The following TRPC5 variants were observed in gnomAD, a reference collection of about 807,000 sequenced individuals.
The protein encoded by TRPC5 is transient receptor potential cation channel subfamily C member 5, also known as short transient receptor potential channel 5.
A neutral mutation model predicts 56.5 loss-of-function variants in TRPC5; 9 were observed. That is an observed-to-expected ratio of 0.16 (90% CI 0.10 to 0.28). The LOEUF (loss-of-function observed/expected upper bound fraction) is 0.28. TRPC5 is among the 10% of genes least tolerant of loss of function. TRPC5 has a pLI of 1.00. For missense variants in TRPC5, 469 were observed against 748.9 expected (o/e 0.63, Z 4.36); for synonymous variants, 282 against 278.5 (o/e 1.01, Z -0.13).
chrX:111,804,688 T>C (rs1921437348), intron 7 of TRPC5, among the ~76,000 whole-genome samples: 1 of 111,888 alleles, frequency 8.9e-6, no homozygotes, highest in African/African-American at 3.3e-5. Flanking sequence ...CTTGTGATTT[T>C]TGCACATTGA....
rs1293159608 is a variant in TRPC5 at position 111,906,199 on chromosome X, C to CA, written c.900+6091dup. Among the ~76,000 whole-genome samples the CA allele has an allele frequency of 1.6e-4, 17 of 108,147 alleles. No homozygotes were observed. In the South Asian group the frequency reaches 2.5e-3, roughly 16 times the overall value. The allele number at this position is 108,147 out of a possible 115,157, so 93.9% of individuals were successfully genotyped here. On this transcript the variant is annotated intron_variant, in intron 3 of 10. Coordinates refer to ENST00000262839, the MANE Select transcript of TRPC5 (RefSeq NM_012471.3). ...GTGAAACCCCATCTCTACTAAAATA[C>CA]AAAAAAATCAGCCGGCACGGTGGTA...
Position 111,912,806 on chromosome X carries a change from TG to T in TRPC5, c.384del (p.Thr129LeufsTer2). ...YRRPSGEKQV[P>X]TLMMDTQFSE... is the part of the protein sequence containing the mutation. The stretch of plus-strand genomic sequence containing the variant: ...GAGAACTGCGTGTCCATCATCAGAG[TG>T]GGGACCTAGGTACAAGAAATGAGAA... On this transcript the variant is annotated frameshift_variant, in exon 3 of 11. Transcript: ENST00000262839. LOFTEE classifies it high-confidence loss of function. 8.4e-7 allele frequency: 1 copy of T among 1,195,481 alleles called. No homozygotes were observed.
chrX:111,967,965 T>A lies in TRPC5; in HGVS notation c.-21-15524A>T, dbSNP rs1340982177. On this transcript the variant is annotated intron_variant, in intron 1 of 10. Coordinates refer to ENST00000262839, the MANE Select transcript of TRPC5 (RefSeq NM_012471.3). ...AAGCAATGGCAACCAAAGCCAAAAT[T>A]GACAAATGGGATCTAATTAAACTAA... Among the ~76,000 whole-genome samples, 4 of 109,955 alleles carry A rather than the reference T, an allele frequency of 3.6e-5. No individual in the cohort carries two copies. The East Asian group carries it at 8.5e-4, about 23-fold the overall frequency.
chrX:111,929,465 C>A, intron 2 of TRPC5, among the ~76,000 whole-genome samples: 1 of 112,499 alleles, frequency 8.9e-6, no homozygotes, highest in East Asian at 2.8e-4. Context: ...GACTAGATTG[C>A]CACTATATTT....
chrX:111,872,922 G>A (rs1291496512), intron 3 of TRPC5, among the ~76,000 whole-genome samples: 2 of 112,319 alleles, frequency 1.8e-5, no homozygotes. Context: ...ATACAAATTA[G>A]TTCAGCCACT....
chrX:111,780,719 T>C (rs1035341055), intron 9 of TRPC5, among the ~76,000 whole-genome samples: 2 of 112,110 alleles, frequency 1.8e-5, no homozygotes, highest in African/African-American at 6.5e-5. Flanking sequence ...AATCCTCTGT[T>C]GTTCAAGAGT....
chrX:111,898,251 TTATATATATATATATA>T, intron 3 of TRPC5, among the ~76,000 whole-genome samples: 1 of 92,395 alleles, frequency 1.1e-5, no homozygotes, highest in Non-Finnish European at 2.2e-5. Context: ...GTAGGGGTTC[TTATATATATATATATA>T]TATATATATA....
intron 2 of TRPC5, among the ~76,000 whole-genome samples, chrX:111,943,527 C>A (rs933723920): frequency 8.9e-6 from 1 of 112,018 alleles, no homozygotes; most frequent in African/African-American, 3.2e-5. Context: ...TCTGTGAGAC[C>A]AATTTTAATT....
At chrX:111,830,191 A>G (rs1922368516) in intron 7 of TRPC5, among the ~76,000 whole-genome samples, 1 of 112,427 alleles carries the variant, frequency 8.9e-6, no homozygotes, top group Non-Finnish European at 1.9e-5. Context: ...TGGAGCCTGT[A>G]GCCCCTTTGT....
chrX:112,009,704 G>A (rs753737992), intron 1 of TRPC5, among the ~76,000 whole-genome samples: 2 of 111,413 alleles, frequency 1.8e-5, no homozygotes, highest in Non-Finnish European at 3.8e-5. Context: ...GAAAGTGGCT[G>A]CATCTGTGGG....
rs1922371488 is a variant in TRPC5 at position 111,830,282 on chromosome X, G to GT, written c.1896+4638dup. On this transcript the variant is annotated intron_variant, in intron 7 of 10. Coordinates refer to ENST00000262839, the MANE Select transcript of TRPC5 (RefSeq NM_012471.3). ...ATTGTATCTAGGCAGTAACTAACTT[G>GT]TTTTTTATTTTACAAGCTCTTAGGC... Among the ~76,000 whole-genome samples, 4 of 112,278 alleles carry GT rather than the reference G, an allele frequency of 3.6e-5. No individual in the cohort carries two copies. The South Asian group carries it at 1.1e-3, about 31-fold the overall frequency.
rs1032809999 is a variant in TRPC5 at position 111,922,592 on chromosome X, C to G, written c.379-9780G>C. Among the ~76,000 whole-genome samples the G allele has an allele frequency of 2.7e-5, 3 of 112,108 alleles. No individual in the cohort carries two copies. The Admixed American group carries it at 2.8e-4, about 11-fold the overall frequency. On this transcript the variant is annotated intron_variant, in intron 2 of 10. Transcript: ENST00000262839. Reference sequence around the variant, plus strand: ...TCTGCCTATCTATCAGGTTAGTTAGCTAGTAGTGGTGATGTATGTGTTACT... The same window carrying G: ...TCTGCCTATCTATCAGGTTAGTTAGGTAGTAGTGGTGATGTATGTGTTACT...
chrX:112,016,547 A>G (rs1929129430), intron 1 of TRPC5, among the ~76,000 whole-genome samples: 1 of 111,148 alleles, frequency 9.0e-6, no homozygotes, highest in Non-Finnish European at 1.9e-5. Flanking sequence ...CAGTCCTGAT[A>G]CCCTTTCTCT....
chrX:112,014,910 T>C (rs987379512), intron 1 of TRPC5, among the ~76,000 whole-genome samples: 4 of 110,932 alleles, frequency 3.6e-5, no homozygotes, highest in African/African-American at 1.3e-4. Flanking sequence ...AAAGTCAGAG[T>C]TTCTAGGAGT....
chrX:111,940,536 A>C (rs937335145), intron 2 of TRPC5, among the ~76,000 whole-genome samples: 39 of 109,194 alleles, frequency 3.6e-4, no homozygotes, highest in Non-Finnish European at 3.1e-4. Context: ...TAAAACTACA[A>C]AAAAATTAGC....
intron 10 of TRPC5, among the ~76,000 whole-genome samples, chrX:111,777,735 A>G (rs930702335): frequency 8.9e-6 from 1 of 111,734 alleles, no homozygotes; most frequent in African/African-American, 3.3e-5. Context: ...GCCTTTGCCT[A>G]TGCTGTTCTC....
At chrX:111,848,602 G>C (rs1005444665) in intron 5 of TRPC5, among the ~76,000 whole-genome samples, 6 of 111,996 alleles carry the variant, frequency 5.4e-5, no homozygotes, top group African/African-American at 1.9e-4. Flanking sequence ...TGCATTGGGG[G>C]CCAAATTATA....
intron 1 of TRPC5, among the ~76,000 whole-genome samples, chrX:112,053,131 G>C (rs1457442397): frequency 2.7e-5 from 3 of 111,686 alleles, no homozygotes; most frequent in African/African-American, 9.8e-5. Context: ...AAAACCTGTT[G>C]GTTAATGACA....
intron 2 of TRPC5, among the ~76,000 whole-genome samples, chrX:111,946,291 C>A (rs1450582783): frequency 9.8e-5 from 11 of 112,013 alleles, no homozygotes; most frequent in African/African-American, 3.6e-4. Context: ...AGCCAAGTAG[C>A]TTTACCCAGG....
Sources: gnomAD v4.1 joint callset for allele counts (sites outside exome capture counted in the v4.1 genomes callset) on GRCh38, gnomAD v4.1.1 for gene constraint, MANE v1.5 for transcripts, NCBI Gene and HGNC (gene_info 2026-07-23, HGNC 2026-07-21) for gene names.